NRG3: variants seen among roughly 807,000 people sequenced by gnomAD.
The protein encoded by NRG3 is neuregulin 3.
A neutral mutation model predicts 66.9 loss-of-function variants in NRG3; 31 were observed. That is an observed-to-expected ratio of 0.46 (90% CI 0.35 to 0.63). NRG3 has a LOEUF of 0.63. Among genes scored for constraint, NRG3 ranks in the 20% least tolerant of loss-of-function variants. The pLI, the probability that NRG3 is intolerant of heterozygous loss-of-function variation, is 0.00. For missense variants in NRG3, 910 were observed against 878.9 expected, an observed-to-expected ratio of 1.04 and a Z score of -0.45; for synonymous variants, 393 against 359.4, an observed-to-expected ratio of 1.09 and a Z score of -1.06.
chr10:82,023,669 G>T (rs1269776591), intron 1 of NRG3, among the ~76,000 whole-genome samples: 1 of 152,006 alleles, frequency 6.6e-6, no homozygotes, highest in African/African-American at 2.4e-5. Context: ...ATTTACTTAG[G>T]TTGAACCATC....
rs187126749 is a variant in NRG3, at chr10:81,903,616, A to T, written c.823+27453A>T. On this transcript the variant is annotated intron_variant, in intron 1 of 8. Transcript: ENST00000372141. ...CCGAGAACTCGTATATCATATGGTCAGCATTGCATGGTTTCGAACACTCCA... is the reference window on the plus strand; with the variant it reads ...CCGAGAACTCGTATATCATATGGTCTGCATTGCATGGTTTCGAACACTCCA... 1.2e-3 allele frequency among the ~76,000 whole-genome samples: 176 copies of T among 152,310 alleles called. 1 individual carries two copies. Among genetic ancestry groups the T allele is most frequent in the Middle Eastern group, 0.01 (3 of 290 alleles).
At chr10:82,683,512 T>C (rs1311409980) in intron 2 of NRG3, among the ~76,000 whole-genome samples, 1 of 152,204 alleles carries the variant, frequency 6.6e-6, no homozygotes, top group Non-Finnish European at 1.5e-5. Context: ...ATTATATGTA[T>C]ATATGTTTAT....
intron 1 of NRG3, among the ~76,000 whole-genome samples, chr10:82,127,963 T>G (rs1455289046): frequency 6.6e-6 from 1 of 151,928 alleles, no homozygotes; most frequent in African/African-American, 2.4e-5. Flanking sequence ...GTGGTTCAGT[T>G]TGGAAAAGCC....
At chr10:82,362,546 GGGTTT>G (rs143899618) in intron 2 of NRG3, among the ~76,000 whole-genome samples, 19,335 of 91,314 alleles carry the variant, frequency 0.21, 2,945 homozygotes, top group African/African-American at 0.49. Context: ...GATAATTTCT[GGGTTT>G]TTTTTTTTTT....
intron 2 of NRG3, among the ~76,000 whole-genome samples, chr10:82,456,942 T>TC (rs529788094): frequency 1.1e-3 from 167 of 152,186 alleles, no homozygotes; most frequent in Non-Finnish European, 2.1e-3. Context: ...TCAGGATGCT[T>TC]CCATACTACG....
chr10:82,287,240 G>A (rs949017286), intron 1 of NRG3, among the ~76,000 whole-genome samples: 2 of 151,946 alleles, frequency 1.3e-5, no homozygotes, highest in African/African-American at 2.4e-5. Flanking sequence ...AGTTCTCATG[G>A]GATCTGGATG....
chr10:82,865,101 A>G (rs1472045691), intron 3 of NRG3, among the ~76,000 whole-genome samples: 5 of 152,204 alleles, frequency 3.3e-5, no homozygotes, highest in Admixed American at 2.6e-4. Context: ...TGTTCATGGT[A>G]TAACAATTTT....
chr10:82,724,192 T>G (rs2057465088), intron 2 of NRG3, among the ~76,000 whole-genome samples: 1 of 151,234 alleles, frequency 6.6e-6, no homozygotes, highest in South Asian at 2.1e-4. Flanking sequence ...TTTGACTGAG[T>G]GCCAATTTAA....
At chr10:82,912,311 T>C in intron 4 of NRG3, among the ~76,000 whole-genome samples, 1 of 152,210 alleles carries the variant, frequency 6.6e-6, no homozygotes, top group East Asian at 1.9e-4. Flanking sequence ...AGTTTTAGCC[T>C]TACATATTTT....
At chr10:82,047,457 A>C (rs1663641299) in intron 1 of NRG3, among the ~76,000 whole-genome samples, 1 of 152,140 alleles carries the variant, frequency 6.6e-6, no homozygotes, top group South Asian at 2.1e-4. Context: ...AACATTCTTA[A>C]AGGAAAGAAT....
At chr10:82,345,142 T>C (rs1293934592) in intron 1 of NRG3, among the ~76,000 whole-genome samples, 18 of 141,120 alleles carry the variant, frequency 1.3e-4, no homozygotes, top group African/African-American at 2.7e-4. Context: ...CTTGCCCATG[T>C]CTATGTCCTG....
intron 2 of NRG3, among the ~76,000 whole-genome samples, chr10:82,598,919 G>A (rs533852622): frequency 4.0e-5 from 6 of 151,884 alleles, no homozygotes; most frequent in South Asian, 2.1e-4. Flanking sequence ...GCATGGTGGC[G>A]CACACCTGTA....
At chr10:82,814,307 T>C (rs2061615964) in intron 3 of NRG3, among the ~76,000 whole-genome samples, 1 of 152,150 alleles carries the variant, frequency 6.6e-6, no homozygotes, top group African/African-American at 2.4e-5. Flanking sequence ...TAAACTGAGA[T>C]GGAGAAAGAT....
At chr10:82,865,081 T>C (rs182616114) in intron 3 of NRG3, among the ~76,000 whole-genome samples, 1 of 152,304 alleles carries the variant, frequency 6.6e-6, no homozygotes, top group Admixed American at 6.5e-5. Context: ...AAAAGAATAT[T>C]AGTGCCAGAT....
chr10:82,470,734 G>C (rs1410298905), intron 2 of NRG3, among the ~76,000 whole-genome samples: 1 of 152,196 alleles, frequency 6.6e-6, no homozygotes, highest in African/African-American at 2.4e-5. Context: ...TCTGGTTGCT[G>C]TCCTGCCTGG....
At chr10:82,620,582 T>G (rs2048978359) in intron 2 of NRG3, among the ~76,000 whole-genome samples, 1 of 152,152 alleles carries the variant, frequency 6.6e-6, no homozygotes, top group Non-Finnish European at 1.5e-5. Context: ...AGTCTGGGTC[T>G]TTATAGGGCA....
intron 1 of NRG3, among the ~76,000 whole-genome samples, chr10:82,138,417 A>G (rs945490474): frequency 6.6e-6 from 1 of 152,206 alleles, no homozygotes; most frequent in African/African-American, 2.4e-5. Context: ...TTCTGATTAA[A>G]GCAAGCAAGA....
intron 2 of NRG3, among the ~76,000 whole-genome samples, chr10:82,571,612 C>A (rs1295899095): frequency 6.6e-6 from 1 of 151,552 alleles, no homozygotes; most frequent in Non-Finnish European, 1.5e-5. Flanking sequence ...GTTGTACAAC[C>A]CTTTGAACTA....
intron 2 of NRG3, among the ~76,000 whole-genome samples, chr10:82,677,812 G>A (rs1358534379): frequency 1.3e-5 from 2 of 152,262 alleles, no homozygotes; most frequent in East Asian, 3.9e-4. Flanking sequence ...GGGGCCAAGT[G>A]GGCAACTTGA....
Sources: gnomAD v4.1 joint callset for allele counts (sites outside exome capture counted in the v4.1 genomes callset) on GRCh38, gnomAD v4.1.1 for gene constraint, MANE v1.5 for transcripts, NCBI Gene and HGNC (gene_info 2026-07-23, HGNC 2026-07-21) for gene names.